The following HDC variants were observed in gnomAD, a reference collection of about 807,000 sequenced individuals.
HDC encodes histidine decarboxylase.
Under a neutral mutation model 64.4 loss-of-function variants are expected in HDC, and 27 were observed. That is an observed-to-expected ratio of 0.42 (90% CI 0.31 to 0.58). The LOEUF (loss-of-function observed/expected upper bound fraction) is 0.58, where lower values mean the gene tolerates loss of function less well. HDC is among the 20% of genes least tolerant of loss of function. The pLI, the probability that HDC is intolerant of heterozygous loss-of-function variation, is 0.16. For synonymous variants in HDC, 305 were observed against 314.2 expected (o/e 0.97, Z 0.31); for missense variants, 711 against 833.9 (o/e 0.85, Z 1.81).
In HDC at chr15:50,252,630, A is replaced by AAATGCACCATCATCCAC; in HGVS notation, c.915_931dup (p.Phe311CysfsTer3). 6.2e-7 allele frequency: 1 copy of AAATGCACCATCATCCAC among 1,614,146 alleles called. No individual in the cohort carries two copies. Among genetic ancestry groups the AAATGCACCATCATCCAC allele is most frequent in the Non-Finnish European group, 8.5e-7 (1 of 1,180,024 alleles). ...CACTCACCAGAACCCAGTACAGTCA[A>AAATGCACCATCATCCAC]AATGCACCATCATCCACTTGGAAGG... On this transcript the variant is annotated stop_gained and frameshift_variant, in exon 8 of 12. Coordinates refer to ENST00000267845, the MANE Select transcript of HDC (RefSeq NM_002112.4). LOFTEE classifies it high-confidence loss of function.
intron 9 of HDC, among the ~76,000 whole-genome samples, chr15:50,249,710 G>A (rs1303294064): frequency 6.6e-6 from 1 of 152,116 alleles, no homozygotes; most frequent in Non-Finnish European, 1.5e-5. Flanking sequence ...CGGATGATAG[G>A]GATCATCTGT....
At chr15:50,249,351 T>C (rs2045523771) in intron 9 of HDC, among the ~76,000 whole-genome samples, 1 of 152,198 alleles carries the variant, frequency 6.6e-6, no homozygotes, top group African/African-American at 2.4e-5. Context: ...TCAGAAAGTT[T>C]CTACCACAAT....
At position 50,257,540 on chromosome 15, in the gene HDC, C is replaced by T. The variant is rs753017067; in HGVS notation, c.326G>A (p.Ser109Asn). The change falls in exon 4 of 12, where the codon AGC becomes AAC. Residue 109 changes from serine to asparagine, a missense_variant. Around this residue, in one of 3 missense-constraint regions of HDC, gnomAD observed 225 missense variants for 276.2 expected, o/e 0.81. Coordinates refer to ENST00000267845, the MANE Select transcript of HDC (RefSeq NM_002112.4). Reference protein sequence around the residue: ...INCLGFTWASSPACTELEMNV... With the variant: ...INCLGFTWASNPACTELEMNV... ...CATCTCCAGCTCTGTACACGCAGGG[C>T]TGGATGCCTGAGAAAGGAAAAGGAA... is the stretch of plus-strand genomic sequence containing the variant. 1 of 1,614,170 alleles carries T rather than the reference C, an allele frequency of 6.2e-7. No homozygotes were observed. The highest frequency in any genetic ancestry group is 1.1e-5 in the South Asian group (1 of 91,088).
rs1024220172 is a variant in HDC, at chr15:50,257,418, G to A, written c.441+7C>T. ...CAAGCTAGGTGAAGCTTTGCCAAGG[G>A]AGGTACCTGCAGGACGCCTCCGCCC... On this transcript the variant is annotated splice_region_variant and intron_variant, in intron 4 of 11. Coordinates refer to ENST00000267845, the MANE Select transcript of HDC (RefSeq NM_002112.4). 12 of 1,614,188 alleles carry A rather than the reference G, an allele frequency of 7.4e-6. No individual in the cohort carries two copies. The highest frequency in any genetic ancestry group is 1.0e-5 in the Non-Finnish European group (12 of 1,180,022).
intron 1 of HDC, among the ~76,000 whole-genome samples, chr15:50,263,819 G>GA (rs1338926540): frequency 1.3e-5 from 2 of 152,086 alleles, no homozygotes; most frequent in African/African-American, 4.8e-5. Flanking sequence ...CCGAGGGTAG[G>GA]ATCTGATCCC....
chr15:50,243,308 T>G, intron 10 of HDC, 64 bp from the exon 11 acceptor site: 2 of 1,091,036 alleles, frequency 1.8e-6, no homozygotes, highest in Non-Finnish European at 1.4e-6. Flanking sequence ...GCATAAACTT[T>G]CAGACTGCTA....
Position 50,263,232 on chromosome 15 carries a change from C to T in HDC, c.204+3G>A. Reference sequence around the variant, plus strand: ...AACTGCCCTTGTGGTCACTGTGTCTCACCCCAGGCATGATGATTCGTTCAA... The same window carrying T: ...AACTGCCCTTGTGGTCACTGTGTCTTACCCCAGGCATGATGATTCGTTCAA... On this transcript the variant is annotated splice_donor_region_variant and intron_variant, in intron 2 of 11. Transcript: ENST00000267845. The T allele has an allele frequency of 2.5e-6, 4 of 1,614,036 alleles. No homozygotes were observed. The highest frequency in any genetic ancestry group is 3.4e-6 in the Non-Finnish European group (4 of 1,179,942).
intron 2 of HDC, among the ~76,000 whole-genome samples, chr15:50,261,739 C>T (rs1452953555): frequency 8.6e-5 from 12 of 140,046 alleles, no homozygotes; most frequent in African/African-American, 1.1e-4. Context: ...GATGGAGTTT[C>T]GCTCTTGTTG....
chr15:50,260,878 C>CCGGG (rs1344332633), intron 2 of HDC, among the ~76,000 whole-genome samples: 14 of 151,968 alleles, frequency 9.2e-5, no homozygotes, highest in African/African-American at 3.4e-4. Flanking sequence ...GATTGTCTAA[C>CCGGG]CAGGGTTGGA....
intron 7 of HDC, 187 bp downstream of exon 7, chr15:50,253,413 A>C: frequency 1.5e-6 from 1 of 673,408 alleles, no homozygotes; most frequent in Non-Finnish European, 2.7e-6. Flanking sequence ...TTGTCACACC[A>C]CTGGGAAAGG....
intron 2 of HDC, among the ~76,000 whole-genome samples, chr15:50,261,878 T>G (rs1010111662): frequency 3.3e-5 from 5 of 151,962 alleles, no homozygotes; most frequent in Non-Finnish European, 7.4e-5. Flanking sequence ...CCCAGCTAAT[T>G]TTGTATTTTT....
At chr15:50,261,228 C>G (rs2045698880) in intron 2 of HDC, among the ~76,000 whole-genome samples, 1 of 152,142 alleles carries the variant, frequency 6.6e-6, no homozygotes, top group Admixed American at 6.5e-5. Context: ...AGAAATGAGC[C>G]TCACCGACCA....
At chr15:50,251,770 T>C (rs1360552027) in intron 9 of HDC, among the ~76,000 whole-genome samples, 2 of 151,074 alleles carry the variant, frequency 1.3e-5, no homozygotes, top group African/African-American at 2.4e-5. Context: ...AGGCGGAGGT[T>C]GCAGTGAGCC....
intron 2 of HDC, among the ~76,000 whole-genome samples, chr15:50,260,023 CTT>C (rs141659908): frequency 0.46 from 66,155 of 142,362 alleles, 15,541 homozygotes; most frequent in Middle Eastern, 0.58. Flanking sequence ...GAGATTCATT[CTT>C]TTTTTTTTTT....
At chr15:50,254,451 T>G (rs530594440) in intron 5 of HDC, 79 bp downstream of exon 5, 3 of 1,601,160 alleles carry the variant, frequency 1.9e-6, no homozygotes, top group African/African-American at 2.7e-5. Context: ...TACTCACGTC[T>G]AGAAAAAAAT....
intron 4 of HDC, among the ~76,000 whole-genome samples, chr15:50,255,528 G>A (rs1430217464): frequency 6.6e-6 from 1 of 152,154 alleles, no homozygotes; most frequent in Non-Finnish European, 1.5e-5. Context: ...ATAATAATCA[G>A]CTGGGTGCAG....
chr15:50,242,086 T>G lies in HDC; in HGVS notation c.*174A>C. The G allele has an allele frequency of 1.5e-6, 1 of 668,534 alleles. No individual in the cohort carries two copies. The highest frequency in any genetic ancestry group is 2.6e-6 in the Non-Finnish European group (1 of 379,750). 41.4% of individuals were successfully genotyped at this position (668,534 alleles called of 1,614,324 possible). A position where few individuals can be genotyped will look rare whatever the true frequency, so the allele number is the denominator to read the frequency against. On this transcript the variant is annotated 3_prime_UTR_variant, in exon 12 of 12. Transcript: ENST00000267845. ...CCATCTGGATCATGCTGGCTTAAAC[T>G]CTTCGTTTGTATCCTATTGTGGGTC... is the stretch of plus-strand genomic sequence containing the variant.
At chr15:50,244,805 C>A (rs147527417) in intron 10 of HDC, 1 of 152,322 alleles carries the variant, frequency 6.6e-6, no homozygotes, top group African/African-American at 2.4e-5. Flanking sequence ...GAACTTAGTG[C>A]GGACACTCAA....
intron 10 of HDC, among the ~76,000 whole-genome samples, chr15:50,245,103 G>T (rs186306324): frequency 1.6e-4 from 24 of 152,314 alleles, no homozygotes; most frequent in African/African-American, 5.3e-4. Flanking sequence ...AGGCAGCACT[G>T]CCACCTCCAA....
Sources: allele counts gnomAD v4.1 joint callset (sites outside exome capture counted in the v4.1 genomes callset), GRCh38; gene constraint gnomAD v4.1.1; regional missense constraint gnomAD v4.1.1; transcripts MANE v1.5; gene names NCBI Gene and HGNC (gene_info 2026-07-23, HGNC 2026-07-21).